Variants in CAMK1D observed in about 807,000 individuals in gnomAD.
CAMK1D encodes the protein calcium/calmodulin dependent protein kinase ID.
Under a neutral mutation model 47.7 loss-of-function variants are expected in CAMK1D, and 9 were observed. The ratio of observed to expected loss-of-function variants is 0.19; its 90% CI spans 0.11 to 0.33. The LOEUF (loss-of-function observed/expected upper bound fraction) is 0.33, where lower values mean the gene tolerates loss of function less well. Among genes scored for constraint, CAMK1D ranks in the 10% least tolerant of loss-of-function variants. The pLI, the probability that CAMK1D is intolerant of heterozygous loss-of-function variation, is 1.00. For synonymous variants in CAMK1D, 184 were observed against 184.9 expected (o/e 0.99, Z 0.04); for missense variants, 291 against 488.7 (o/e 0.60, Z 3.81).
intron 3 of CAMK1D, among the ~76,000 whole-genome samples, chr10:12,672,687 T>G (rs1178060573): frequency 1.3e-5 from 2 of 152,058 alleles, no homozygotes; most frequent in Admixed American, 1.3e-4. Flanking sequence ...TCTACCTAGG[T>G]ATATTTCATG....
At chr10:12,538,279 G>A (rs889980726) in intron 1 of CAMK1D, among the ~76,000 whole-genome samples, 14 of 152,206 alleles carry the variant, frequency 9.2e-5, no homozygotes, top group Non-Finnish European at 2.1e-4. Flanking sequence ...CAGCACTGAA[G>A]CATCCTGGTG....
chr10:12,640,872 A>G (rs72771762), intron 2 of CAMK1D, among the ~76,000 whole-genome samples: 4 of 152,352 alleles, frequency 2.6e-5, no homozygotes, highest in Non-Finnish European at 4.4e-5. Flanking sequence ...TCTCAACTGC[A>G]TATTCTAAGT....
intron 1 of CAMK1D, among the ~76,000 whole-genome samples, chr10:12,411,434 C>T (rs532285886): frequency 6.6e-6 from 1 of 152,234 alleles, no homozygotes; most frequent in Admixed American, 6.5e-5. Flanking sequence ...TCAGGCGGCT[C>T]CCAGCACAGG....
rs151042705 is a variant in CAMK1D, at chr10:12,656,519, G to A, written c.225-10217G>A. Among the ~76,000 whole-genome samples the A allele has an allele frequency of 1.9e-3, 296 of 152,162 alleles. 1 individual carries two copies. Among genetic ancestry groups the A allele is most frequent in the African/African-American group, 6.6e-3 (273 of 41,528 alleles). ...AAAAAAAAGAGAAAAGAAAAAAACC[G>A]CCATTTGTGCACAAGGGTTTTTATT... On this transcript the variant is annotated intron_variant, in intron 2 of 10. Transcript: ENST00000619168.
Position 12,743,556 on chromosome 10 carries a change from A to T in CAMK1D, c.300-17392A>T, listed in dbSNP as rs79998009. Among the ~76,000 whole-genome samples, 939 of 152,306 alleles carry T rather than the reference A, an allele frequency of 6.2e-3. 7 individuals carry two copies. The highest frequency in any genetic ancestry group is 0.021 in the African/African-American group (877 of 41,564). On this transcript the variant is annotated intron_variant, in intron 3 of 10. Transcript: ENST00000619168. Reference sequence around the variant, plus strand: ...TAAAATTCACCCTTTCAAGTTGTACAACTCAGTACAGTACTTTAATATGTT... The same window carrying T: ...TAAAATTCACCCTTTCAAGTTGTACTACTCAGTACAGTACTTTAATATGTT...
At chr10:12,679,883 C>G (rs949157081) in intron 3 of CAMK1D, among the ~76,000 whole-genome samples, 3 of 152,188 alleles carry the variant, frequency 2.0e-5, no homozygotes, top group African/African-American at 7.2e-5. Flanking sequence ...TCTGCTCCAC[C>G]AGGGCTTTCC....
intron 2 of CAMK1D, among the ~76,000 whole-genome samples, chr10:12,605,125 A>G (rs150664161): frequency 0.011 from 1,697 of 152,122 alleles, 32 homozygotes; most frequent in African/African-American, 0.039. Flanking sequence ...CTGACCTTGT[A>G]TCTGCCTGCC....
At chr10:12,773,288 C>T (rs1229691079) in intron 5 of CAMK1D, among the ~76,000 whole-genome samples, 4 of 152,158 alleles carry the variant, frequency 2.6e-5, no homozygotes, top group African/African-American at 9.7e-5. Context: ...TCTGTGCAGT[C>T]GTCCCATGGT....
intron 1 of CAMK1D, among the ~76,000 whole-genome samples, chr10:12,552,684 G>A (rs1352056444): frequency 2.0e-5 from 3 of 152,164 alleles, no homozygotes; most frequent in Admixed American, 6.5e-5. Flanking sequence ...CTCCACATCC[G>A]CATGTCCCTT....
chr10:12,691,403 AAATATATATATATATATATTTT>A lies in CAMK1D; in HGVS notation c.299+24594_299+24615del, dbSNP rs1832912960. On this transcript the variant is annotated intron_variant, in intron 3 of 10. Coordinates refer to ENST00000619168, the MANE Select transcript of CAMK1D (RefSeq NM_153498.4). ...AATATATATATATATATATATATAT[AAATATATATATATATATATTTT>A]TTTTTTTTTTTTTTTTTTTTTTTTT... is the stretch of plus-strand genomic sequence containing the variant. 7.0e-4 allele frequency among the ~76,000 whole-genome samples: 5 copies of A among 7,098 alleles called. 1 individual carries two copies. The highest frequency in any genetic ancestry group is 2.6e-3 in the African/African-American group (5 of 1,930). The allele number at this position is 7,098 out of a possible 152,430, so 4.7% of individuals were successfully genotyped here. A position where few individuals can be genotyped will look rare whatever the true frequency, so the allele number is the denominator to read the frequency against.
chr10:12,694,261 A>ATAAAATATATATTATG (rs1833128420), intron 3 of CAMK1D, among the ~76,000 whole-genome samples: 2 of 77,772 alleles, frequency 2.6e-5, no homozygotes, highest in African/African-American at 1.0e-4. Flanking sequence ...TATGTATAAT[A>ATAAAATATATATTATG]TATAATATAT....
At chr10:12,366,733 A>G (rs1837847529) in intron 1 of CAMK1D, among the ~76,000 whole-genome samples, 1 of 151,508 alleles carries the variant, frequency 6.6e-6, no homozygotes, top group Non-Finnish European at 1.5e-5. Flanking sequence ...TGGGTGGCAG[A>G]TCTAGGGAGA....
intron 3 of CAMK1D, among the ~76,000 whole-genome samples, chr10:12,755,063 T>C (rs1166691677): frequency 6.6e-6 from 1 of 152,190 alleles, no homozygotes; most frequent in Non-Finnish European, 1.5e-5. Context: ...TGTGTTTATA[T>C]TTTGGAAATT....
intron 3 of CAMK1D, among the ~76,000 whole-genome samples, chr10:12,690,761 G>T (rs1240861093): frequency 6.6e-6 from 1 of 152,176 alleles, no homozygotes; most frequent in East Asian, 1.9e-4. Context: ...GGGGGTGAGG[G>T]TCATGGGGAT....
intron 2 of CAMK1D, among the ~76,000 whole-genome samples, chr10:12,645,144 T>C (rs1418058932): frequency 6.6e-6 from 1 of 152,202 alleles, no homozygotes; most frequent in African/African-American, 2.4e-5. Flanking sequence ...AATGTTTCCA[T>C]GAAGTATATG....
chr10:12,674,598 G>GATTTTTTTTTTT (rs1491441824), intron 3 of CAMK1D, among the ~76,000 whole-genome samples: 2 of 16,738 alleles, frequency 1.2e-4, no homozygotes, highest in Non-Finnish European at 3.1e-4. Context: ...TTGGAAAAAT[G>GATTTTTTTTTTT]CTTTTTTTTT....
intron 6 of CAMK1D, among the ~76,000 whole-genome samples, chr10:12,813,734 G>A (rs189611588): frequency 1.1e-3 from 164 of 151,966 alleles, no homozygotes; most frequent in African/African-American, 3.7e-3. Flanking sequence ...CAACACACGC[G>A]GTACAGATTT....
chr10:12,466,639 T>A (rs1272678051), intron 1 of CAMK1D, among the ~76,000 whole-genome samples: 1 of 147,562 alleles, frequency 6.8e-6, no homozygotes, highest in Non-Finnish European at 1.5e-5. Flanking sequence ...TAGGGGGAGG[T>A]GTTATTTGTA....
chr10:12,439,502 C>T lies in CAMK1D; in HGVS notation c.92+89592C>T, dbSNP rs992035930. Among the ~76,000 whole-genome samples the T allele has an allele frequency of 5.3e-5, 8 of 152,188 alleles. No homozygotes were observed. In the South Asian group the frequency reaches 1.7e-3, roughly 31 times the overall value. On this transcript the variant is annotated intron_variant, in intron 1 of 10. Coordinates refer to ENST00000619168, the MANE Select transcript of CAMK1D (RefSeq NM_153498.4). The stretch of plus-strand genomic sequence containing the variant: ...TTTTAGGGCTTGGCTGTGATAACAG[C>T]TGTGGGATTTGCTCTCACCAGTCCT...
Sources: allele counts gnomAD v4.1 joint callset (sites outside exome capture counted in the v4.1 genomes callset), GRCh38; gene constraint gnomAD v4.1.1; transcripts MANE v1.5; gene names NCBI Gene and HGNC (gene_info 2026-07-23, HGNC 2026-07-21).